The following ATP1A1 variants were observed in gnomAD, a reference collection of about 807,000 sequenced individuals.
ATP1A1 encodes ATPase Na+/K+ transporting subunit alpha 1, also known as sodium/potassium-transporting ATPase subunit alpha-1.
A neutral mutation model predicts 114.8 loss-of-function variants in ATP1A1; 14 were observed. The ratio of observed to expected loss-of-function variants is 0.12; its 90% CI spans 0.08 to 0.19. The LOEUF (loss-of-function observed/expected upper bound fraction) is 0.19, where lower values mean the gene tolerates loss of function less well. ATP1A1 is among the 10% of genes least tolerant of loss of function. ATP1A1 has a pLI of 1.00. For missense variants in ATP1A1, 524 were observed against 1,290.7 expected, an observed-to-expected ratio of 0.41 and a Z score of 9.10; for synonymous variants, 471 against 466.3, an observed-to-expected ratio of 1.01 and a Z score of -0.13.
At chr1:116,386,220 G>A (rs1184472570) in intron 3 of ATP1A1, 1 of 150,724 alleles carries the variant, frequency 6.6e-6, no homozygotes, top group Admixed American at 6.6e-5. Context: ...CCAAGAGGAG[G>A]CCTCGAGTCA....
At chr1:116,373,967 C>G in intron 1 of ATP1A1, 10 of 1,376,110 alleles carry the variant, frequency 7.3e-6, no homozygotes, top group Non-Finnish European at 9.4e-6. Flanking sequence ...CCTCCGCCCT[C>G]CGTGCCCTGA....
Position 116,393,845 on chromosome 1 carries a change from T to C in ATP1A1, c.1660+122T>C. On this transcript the variant is annotated intron_variant, in intron 12 of 22. Coordinates refer to ENST00000295598, the MANE Select transcript of ATP1A1 (RefSeq NM_000701.8). The surrounding 1 kb of genome is among the most constrained non-coding windows in gnomAD (Gnocchi z 5.0). ...TCTTGTTGACCTTCCTCTACATCTT[T>C]TAGGGGCAATCCTCCTATTTGTTTA... 2.1e-6 allele frequency: 2 copies of C among 946,028 alleles called. No individual in the cohort carries two copies. The highest frequency in any genetic ancestry group is 3.8e-5 in the South Asian group (2 of 52,520). 58.6% of individuals were successfully genotyped at this position (946,028 alleles called of 1,614,324 possible).
At chr1:116,383,027 A>G (rs1207463762) in intron 1 of ATP1A1, among the ~76,000 whole-genome samples, 1 of 152,202 alleles carries the variant, frequency 6.6e-6, no homozygotes, top group Non-Finnish European at 1.5e-5. Context: ...GGCTTTGTGT[A>G]GATAAGCTCA....
Position 116,393,126 on chromosome 1 carries a change from A to G in ATP1A1, c.1467+138A>G. 2 of 1,238,450 alleles carry G rather than the reference A, an allele frequency of 1.6e-6. No homozygotes were observed. Among genetic ancestry groups the G allele is most frequent in the Non-Finnish European group, 2.2e-6 (2 of 903,644 alleles). 76.7% of individuals were successfully genotyped at this position (1,238,450 alleles called of 1,614,324 possible). ...TTTAAATTTTGCCCTTGATTACCAT[A>G]GAATGCCATAATTTAGTTGAATATC... On this transcript the variant is annotated intron_variant, in intron 11 of 22. Transcript: ENST00000295598. This position sits in a 1 kb window ranked among gnomAD's most constrained non-coding sequence, Gnocchi z 5.0.
At chr1:116,379,087 C>T (rs72998035) in intron 1 of ATP1A1, among the ~76,000 whole-genome samples, 4,104 of 152,262 alleles carry the variant, frequency 0.027, 58 homozygotes, top group Middle Eastern at 0.061. Context: ...TGGATGTACA[C>T]TACTGCAGGT....
At chr1:116,402,205 T>C (rs1428608099) in intron 21 of ATP1A1, among the ~76,000 whole-genome samples, 2 of 151,726 alleles carry the variant, frequency 1.3e-5, no homozygotes, top group African/African-American at 4.9e-5. Flanking sequence ...ACACAGTGAA[T>C]GACTCTGCAT....
rs535997507 is a variant in ATP1A1 at position 116,401,343 on chromosome 1, A to G, written c.2849+83A>G. 30 of 1,594,910 alleles carry G rather than the reference A, an allele frequency of 1.9e-5. No homozygotes were observed. The East Asian group carries it at 6.7e-4, about 36-fold the overall frequency. The stretch of plus-strand genomic sequence containing the variant: ...AAACCCTTTGCCAAAAACTAAACAT[A>G]TGACACATATAGCCAGGTTTCTGGA... On this transcript the variant is annotated intron_variant, in intron 20 of 22. Transcript: ENST00000295598. The surrounding 1 kb of genome is among the most constrained non-coding windows in gnomAD (Gnocchi z 4.7).
intron 1 of ATP1A1, chr1:116,373,935 C>T (rs1651173390): frequency 7.6e-7 from 1 of 1,320,190 alleles, no homozygotes. Flanking sequence ...CGACCGCCGT[C>T]ACCTCCTTCT....
chr1:116,402,733 T>C (rs1384247162), intron 21 of ATP1A1, among the ~76,000 whole-genome samples: 1 of 152,224 alleles, frequency 6.6e-6, no homozygotes. Context: ...TGTTCCCTCT[T>C]ACCCTGCCAA....
In ATP1A1 at chr1:116,393,424, T is replaced by C; in HGVS notation, c.1468-107T>C. On this transcript the variant is annotated intron_variant, in intron 11 of 22. Coordinates refer to ENST00000295598, the MANE Select transcript of ATP1A1 (RefSeq NM_000701.8). The surrounding 1 kb of genome is among the most constrained non-coding windows in gnomAD (Gnocchi z 5.0). ...CTTCAGAGTTCAGAAAGAAGGGATC[T>C]TGGGTCTTTTATAGCAAATACTAAA... is the stretch of plus-strand genomic sequence containing the variant. The C allele has an allele frequency of 2.4e-6, 3 of 1,269,876 alleles. No individual in the cohort carries two copies. The highest frequency in any genetic ancestry group is 2.3e-5 in the Admixed American group (1 of 42,702). 78.7% of individuals were successfully genotyped at this position (1,269,876 alleles called of 1,614,324 possible). A position where few individuals can be genotyped will look rare whatever the true frequency, so the allele number is the denominator to read the frequency against.
At chr1:116,403,246 C>G (rs1653670123) in intron 21 of ATP1A1, among the ~76,000 whole-genome samples, 1 of 152,204 alleles carries the variant, frequency 6.6e-6, no homozygotes, top group Middle Eastern at 3.2e-3. Context: ...CAGGGACAGC[C>G]TTTCTCACAC....
intron 8 of ATP1A1, 162 bp from the exon 9 acceptor site, chr1:116,390,051 G>T: frequency 1.3e-6 from 1 of 759,978 alleles, no homozygotes; most frequent in Non-Finnish European, 2.2e-6. Flanking sequence ...GAAGGAAGGG[G>T]AAGCCTCATG....
rs1344795205 is a variant in ATP1A1 at position 116,389,231 on chromosome 1, A to T, written c.755-208A>T. Among the ~76,000 whole-genome samples, 1 of 152,174 alleles carries T rather than the reference A, an allele frequency of 6.6e-6. No homozygotes were observed. The highest frequency in any genetic ancestry group is 2.4e-5 in the African/African-American group (1 of 41,450). The stretch of plus-strand genomic sequence containing the variant: ...CCCTGCCTCTTCTGTCAACAACACC[A>T]GTCTGGCATGGGTGTTGGAGCTGCT... On this transcript the variant is annotated intron_variant, in intron 7 of 22. Transcript: ENST00000295598. This position sits in a 1 kb window ranked among gnomAD's most constrained non-coding sequence, Gnocchi z 6.9.
chr1:116,404,416 G>T lies in ATP1A1; in HGVS notation c.3044G>T (p.Gly1015Val). 1.2e-6 allele frequency: 2 copies of T among 1,613,654 alleles called. No individual in the cohort carries two copies. The highest frequency in any genetic ancestry group is 1.7e-6 in the Non-Finnish European group (2 of 1,179,852). The change falls in exon 23 of 23, where the codon GGC becomes GTC. Residue 1015 changes from glycine (G) to valine (V), a missense_variant and splice_region_variant. Gly to Val is a moderately radical substitution (Grantham distance 109, BLOSUM62 -3). Coordinates refer to ENST00000295598, the MANE Select transcript of ATP1A1 (RefSeq NM_000701.8). This position sits in a 1 kb window ranked among gnomAD's most constrained non-coding sequence, Gnocchi z 4.8. ...TTGTCTGTCTCTTTGCCACCCACAGGCTGGGTGGAGAAGGAAACCTACTAT... is the reference window on the plus strand; with the variant it reads ...TTGTCTGTCTCTTTGCCACCCACAGTCTGGGTGGAGAAGGAAACCTACTAT... ...RKLIIRRRPGGWVEKETYY is the reference protein window; with the variant it reads ...RKLIIRRRPGVWVEKETYY
In ATP1A1 at chr1:116,401,884, G is replaced by A. The variant is rs1344728430; in HGVS notation, c.2951+229G>A. The A allele has an allele frequency of 1.7e-5, 10 of 573,332 alleles. No homozygotes were observed. The East Asian group carries it at 3.0e-4, about 17-fold the overall frequency. The allele number at this position is 573,332 out of a possible 1,614,324, so 35.5% of individuals were successfully genotyped here. ...AGGATTTGGCCCAAGATAAGATAAA[G>A]CCACACAGGCTCTAGCTCCATGGAA... On this transcript the variant is annotated intron_variant, in intron 21 of 22. Coordinates refer to ENST00000295598, the MANE Select transcript of ATP1A1 (RefSeq NM_000701.8). This position sits in a 1 kb window ranked among gnomAD's most constrained non-coding sequence, Gnocchi z 4.7.
At position 116,401,113 on chromosome 1, in the gene ATP1A1, T is replaced by C; in HGVS notation, c.2719-17T>C. Reference sequence around the variant, plus strand: ...AGGTGAAGAGCCAGAGCTCATCTTCTGTCTTCTGCATTTCAGACCTATGAG... The same window carrying C: ...AGGTGAAGAGCCAGAGCTCATCTTCCGTCTTCTGCATTTCAGACCTATGAG... On this transcript the variant is annotated splice_polypyrimidine_tract_variant and intron_variant, in intron 19 of 22. Transcript: ENST00000295598. The surrounding 1 kb of genome is among the most constrained non-coding windows in gnomAD (Gnocchi z 4.7). 1.2e-6 allele frequency: 2 copies of C among 1,614,078 alleles called. No homozygotes were observed. Among genetic ancestry groups the C allele is most frequent in the Non-Finnish European group, 1.7e-6 (2 of 1,179,920 alleles).
At position 116,387,374 on chromosome 1, in the gene ATP1A1, C is replaced by T. The variant is rs747974985; in HGVS notation, c.270C>T (p.Ile90=). ...CCCCTCCCACTACTCCTGAATGGAT[C>T]AAGTTTTGTCGGCAGCTCTTTGGGG... ...LTPPPTTPEW[I]KFCRQLFGGF... Residue 90 remains isoleucine, a synonymous_variant, in exon 4 of 23, where the codon ATC becomes ATT. Coordinates refer to ENST00000295598, the MANE Select transcript of ATP1A1 (RefSeq NM_000701.8). This position sits in a 1 kb window ranked among gnomAD's most constrained non-coding sequence, Gnocchi z 6.7. The T allele has an allele frequency of 4.3e-6, 7 of 1,614,184 alleles. No homozygotes were observed. Among genetic ancestry groups the T allele is most frequent in the Non-Finnish European group, 3.4e-6 (4 of 1,180,036 alleles).
chr1:116,386,838 G>A (rs1015742695), intron 3 of ATP1A1, among the ~76,000 whole-genome samples: 1 of 152,140 alleles, frequency 6.6e-6, no homozygotes, highest in Non-Finnish European at 1.5e-5. Context: ...TCTACAGGAA[G>A]TTTTTTTCTC....
rs140786632 is a variant in ATP1A1, at chr1:116,386,019, G to A, written c.183+1177G>A. 162 of 151,716 alleles carry A rather than the reference G, an allele frequency of 1.1e-3. 1 individual carries two copies. The East Asian group carries it at 0.029, about 28-fold the overall frequency. 9.4% of individuals were successfully genotyped at this position (151,716 alleles called of 1,614,324 possible). A position where few individuals can be genotyped will look rare whatever the true frequency, so the allele number is the denominator to read the frequency against. On this transcript the variant is annotated intron_variant, in intron 3 of 22. Transcript: ENST00000295598. ...TGCATGCCTGTAATCCCAGCTACTCGGGAGGCTGAGGCAGGAGAACTGCTT... is the reference window on the plus strand; with the variant it reads ...TGCATGCCTGTAATCCCAGCTACTCAGGAGGCTGAGGCAGGAGAACTGCTT...
Sources: gnomAD v4.1 joint callset for allele counts (sites outside exome capture counted in the v4.1 genomes callset) on GRCh38, gnomAD v4.1.1 for gene constraint, Gnocchi (gnomAD v3.1) non-coding constraint, MANE v1.5 for transcripts, NCBI Gene and HGNC (gene_info 2026-07-23, HGNC 2026-07-21) for gene names.